OSBPL10: variants seen among roughly 807,000 people sequenced by gnomAD.
OSBPL10 encodes oxysterol binding protein like 10.
In OSBPL10, 49 loss-of-function variants were observed where a neutral mutation model predicts 81.7. That is an observed-to-expected ratio of 0.60 (90% CI 0.48 to 0.76). OSBPL10 has a LOEUF of 0.76. Among genes scored for constraint, OSBPL10 ranks in the 30% least tolerant of loss-of-function variants. The pLI is 0.00. For missense variants in OSBPL10, 923 were observed against 987.8 expected (o/e 0.93, Z 0.88); for synonymous variants, 419 against 383.6 (o/e 1.09, Z -1.08).
chr3:31,689,761 C>G (rs1700896767), intron 7 of OSBPL10, among the ~76,000 whole-genome samples: 1 of 152,228 alleles, frequency 6.6e-6, no homozygotes, highest in South Asian at 2.1e-4. Flanking sequence ...ACATGACTTG[C>G]TCCTCCTTGC....
chr3:32,035,899 C>T (rs1327505484), intron 2 of OSBPL10, among the ~76,000 whole-genome samples: 1 of 152,174 alleles, frequency 6.6e-6, no homozygotes, highest in Non-Finnish European at 1.5e-5. Context: ...ATCTCCAGAA[C>T]TGTTTTCATC....
intron 2 of OSBPL10, among the ~76,000 whole-genome samples, chr3:32,022,947 T>C (rs577053669): frequency 1.3e-5 from 2 of 152,178 alleles, no homozygotes; most frequent in South Asian, 2.1e-4. Flanking sequence ...AAGTCCCTCA[T>C]ATTTGACATC....
intron 1 of OSBPL10, among the ~76,000 whole-genome samples, chr3:31,960,858 T>C (rs1474979193): frequency 6.6e-6 from 1 of 152,094 alleles, no homozygotes; most frequent in Non-Finnish European, 1.5e-5. Context: ...ATCCTCTTTA[T>C]CCTCTTTAAT....
intron 1 of OSBPL10, among the ~76,000 whole-genome samples, chr3:31,944,153 TTTGA>T (rs1405523817): frequency 6.6e-6 from 1 of 152,112 alleles, no homozygotes; most frequent in African/African-American, 2.4e-5. Context: ...TCTGCACTTC[TTTGA>T]TTACTATTTT....
At chr3:31,920,554 G>A (rs761148868) in intron 1 of OSBPL10, among the ~76,000 whole-genome samples, 1 of 152,274 alleles carries the variant, frequency 6.6e-6, no homozygotes, top group East Asian at 1.9e-4. Context: ...TGCTGCTACT[G>A]CTACACATGT....
At chr3:31,744,315 T>TG (rs1559444918) in intron 5 of OSBPL10, among the ~76,000 whole-genome samples, 3 of 151,946 alleles carry the variant, frequency 2.0e-5, no homozygotes, top group Non-Finnish European at 2.9e-5. Flanking sequence ...CCAAGGCGGA[T>TG]GGATCACCTG....
intron 2 of OSBPL10, among the ~76,000 whole-genome samples, chr3:32,022,076 G>A (rs1009381872): frequency 3.3e-5 from 5 of 151,980 alleles, no homozygotes; most frequent in Non-Finnish European, 7.4e-5. Context: ...TGTTTAACTT[G>A]TCTTTTCATT....
chr3:32,015,811 G>C (rs141248709), intron 2 of OSBPL10, among the ~76,000 whole-genome samples: 1 of 152,294 alleles, frequency 6.6e-6, no homozygotes, highest in African/African-American at 2.4e-5. Flanking sequence ...CTTCTCAAAA[G>C]AAGATATTTA....
intron 4 of OSBPL10, among the ~76,000 whole-genome samples, chr3:31,817,448 C>G (rs1479065420): frequency 6.6e-6 from 1 of 152,188 alleles, no homozygotes; most frequent in African/African-American, 2.4e-5. Flanking sequence ...GGAGTTCCCA[C>G]CCCATCAACT....
intron 1 of OSBPL10, among the ~76,000 whole-genome samples, chr3:31,927,070 C>T (rs1697096025): frequency 6.6e-6 from 1 of 152,172 alleles, no homozygotes. Flanking sequence ...AAGATCGTGT[C>T]ACTGCACTCC....
rs141203471 is a variant in OSBPL10, at chr3:31,942,692, G to A, written c.281+38207C>T. On this transcript the variant is annotated intron_variant, in intron 1 of 11. Coordinates refer to ENST00000396556, the MANE Select transcript of OSBPL10 (RefSeq NM_017784.5). ...ACCCATTTAAAGCACAGGCATGTCT[G>A]TAGGGGTAAAAGTGAAAAGCAAAAA... Among the ~76,000 whole-genome samples the A allele has an allele frequency of 5.3e-5, 8 of 152,228 alleles. 1 individual carries two copies. The South Asian group carries it at 1.2e-3, about 24-fold the overall frequency.
chr3:31,887,264 T>G (rs1425046783), intron 1 of OSBPL10, among the ~76,000 whole-genome samples: 1 of 152,220 alleles, frequency 6.6e-6, no homozygotes, highest in East Asian at 1.9e-4. Context: ...TCCAATCTAC[T>G]ACTTACAGAA....
At chr3:31,940,212 A>G (rs898488999) in intron 1 of OSBPL10, among the ~76,000 whole-genome samples, 4 of 152,258 alleles carry the variant, frequency 2.6e-5, no homozygotes, top group Non-Finnish European at 5.9e-5. Context: ...AAACTGGGTG[A>G]ACCCATACAA....
At chr3:31,706,286 C>A (rs1696060950) in intron 6 of OSBPL10, among the ~76,000 whole-genome samples, 1 of 152,160 alleles carries the variant, frequency 6.6e-6, no homozygotes, top group Non-Finnish European at 1.5e-5. Context: ...CATGGACAGC[C>A]CTTAAGATAT....
chr3:31,856,080 ACACAC>A (rs1332721695), intron 3 of OSBPL10, among the ~76,000 whole-genome samples: 6 of 126,436 alleles, frequency 4.7e-5, no homozygotes, highest in African/African-American at 1.4e-4. Context: ...ACACACACAC[ACACAC>A]ACACACACAC....
chr3:31,778,885 T>C (rs952100105), intron 4 of OSBPL10, among the ~76,000 whole-genome samples: 1 of 152,132 alleles, frequency 6.6e-6, no homozygotes, highest in Admixed American at 6.5e-5. Context: ...AAACCCTTAT[T>C]AGCCAGAAGG....
At chr3:31,753,975 C>G (rs1697801579) in intron 4 of OSBPL10, among the ~76,000 whole-genome samples, 1 of 152,118 alleles carries the variant, frequency 6.6e-6, no homozygotes, top group Non-Finnish European at 1.5e-5. Flanking sequence ...GCTTTCCAAT[C>G]CACAACCCCC....
intron 1 of OSBPL10, among the ~76,000 whole-genome samples, chr3:31,967,884 T>G (rs1242155902): frequency 6.6e-6 from 1 of 152,196 alleles, no homozygotes; most frequent in Non-Finnish European, 1.5e-5. Flanking sequence ...AAGACTAGAA[T>G]TAAGGCAAAT....
chr3:31,842,552 T>A (rs1170833262), intron 3 of OSBPL10, among the ~76,000 whole-genome samples: 1 of 152,208 alleles, frequency 6.6e-6, no homozygotes, highest in Non-Finnish European at 1.5e-5. Context: ...CTATGGCTTC[T>A]GACCCAGCAT....
Sources: gnomAD v4.1 joint callset for allele counts (sites outside exome capture counted in the v4.1 genomes callset) on GRCh38, gnomAD v4.1.1 for gene constraint, MANE v1.5 for transcripts, NCBI Gene and HGNC (gene_info 2026-07-23, HGNC 2026-07-21) for gene names.